Variants in VEGFA observed in about 807,000 individuals in gnomAD.
The protein encoded by VEGFA is vascular endothelial growth factor A, long form.
Under a neutral mutation model 49.7 loss-of-function variants are expected in VEGFA, and 20 were observed. The observed-to-expected ratio is 0.40, with a 90% CI of 0.28 to 0.58. The LOEUF (loss-of-function observed/expected upper bound fraction) is 0.58, where lower values mean the gene tolerates loss of function less well. VEGFA is among the 20% of genes least tolerant of loss of function. The pLI is 0.40. For missense variants in VEGFA, 505 were observed against 553.5 expected, an observed-to-expected ratio of 0.91 and a Z score of 0.88; for synonymous variants, 219 against 223.4, an observed-to-expected ratio of 0.98 and a Z score of 0.18.
chr6:43,775,560 T>A (rs1765127418), intron 2 of VEGFA: 1 of 152,126 alleles, frequency 6.6e-6, no homozygotes, highest in African/African-American at 2.4e-5. Context: ...CTTTTTACCC[T>A]CAGTTACCAA....
Position 43,778,882 on chromosome 6 carries a change from A to G in VEGFA, c.933-7A>G, listed in dbSNP as rs369791321. 4 of 1,614,074 alleles carry G rather than the reference A, an allele frequency of 2.5e-6. No individual in the cohort carries two copies. The highest frequency in any genetic ancestry group is 1.3e-5 in the African/African-American group (1 of 74,990). ...TTTGCTCTTTTCTCTCTCCCTACCC[A>G]TTGCAGACCAAAGAAAGATAGAGCA... On this transcript the variant is annotated splice_polypyrimidine_tract_variant and splice_region_variant and intron_variant, in intron 4 of 7. Transcript: ENST00000672860.
At position 43,774,682 on chromosome 6, in the gene VEGFA, G is replaced by T. The variant is rs865577; in HGVS notation, c.658+290G>T. On this transcript the variant is annotated intron_variant, in intron 2 of 7. Transcript: ENST00000672860. Reference sequence around the variant, plus strand: ...GCACAGAGCAGGAAGACAGTGTTCAGGGATCCTAGGTGTTGGGGGAAGTGT... The same window carrying T: ...GCACAGAGCAGGAAGACAGTGTTCATGGATCCTAGGTGTTGGGGGAAGTGT... The T allele has an allele frequency of 6.8e-3, 3,613 of 528,846 alleles. 78 individuals are homozygous for T. The highest frequency in any genetic ancestry group is 0.061 in the African/African-American group (3,174 of 52,338). The allele number at this position is 528,846 out of a possible 1,614,324, so 32.8% of individuals were successfully genotyped here. A position where few individuals can be genotyped will look rare whatever the true frequency, so the allele number is the denominator to read the frequency against.
intron 7 of VEGFA, chr6:43,783,213 GGTCAGGGTAAGCGTCA>G (rs1307015409): frequency 6.6e-6 from 1 of 152,246 alleles, no homozygotes; most frequent in African/African-American, 2.4e-5. Flanking sequence ...AGGCCCTGGG[GGTCAGGGTAAGCGTCA>G]GTCAGGGAGG....
Position 43,778,040 on chromosome 6 carries a change from G to C in VEGFA, c.855+375G>C, listed in dbSNP as rs1158157976. ...CATGGAGAGTTTAAAAAGTCTTTTGGTGTTACCTGGTAATGGGGCACATCT... is the reference window on the plus strand; with the variant it reads ...CATGGAGAGTTTAAAAAGTCTTTTGCTGTTACCTGGTAATGGGGCACATCT... On this transcript the variant is annotated intron_variant, in intron 3 of 7. Coordinates refer to ENST00000672860, the MANE Select transcript of VEGFA (RefSeq NM_003376.6). The C allele has an allele frequency of 9.1e-6, 4 of 437,980 alleles. No homozygotes were observed. In the East Asian group the frequency reaches 1.8e-4, roughly 19 times the overall value. The allele number at this position is 437,980 out of a possible 1,614,324, so 27.1% of individuals were successfully genotyped here. A position where few individuals can be genotyped will look rare whatever the true frequency, so the allele number is the denominator to read the frequency against.
chr6:43,778,672 G>A, intron 4 of VEGFA, 136 bp downstream of exon 4: 4 of 1,076,036 alleles, frequency 3.7e-6, no homozygotes, highest in Non-Finnish European at 4.2e-6. Flanking sequence ...ACTTCAATGT[G>A]CCTCAGTTTC....
Position 43,770,915 on chromosome 6 carries a change from G to C in VEGFA, c.209G>C (p.Arg70Pro), listed in dbSNP as rs1763326430. Residue 70 changes from arginine to proline, a missense_variant, in exon 1 of 8, where the codon CGC (arginine) becomes CCC (proline). This residue lies in a region of VEGFA where 340 missense variants were observed against 321.8 expected (regional missense o/e 1.06). Transcript: ENST00000672860. ...TCTCGCTTCGGAGGAGCCGTGGTCC[G>C]CGCGGGGGAAGCCGAGCCGAGCGGA... is the stretch of plus-strand genomic sequence containing the variant. The C allele has an allele frequency of 6.5e-7, 1 of 1,544,588 alleles. No individual in the cohort carries two copies. The highest frequency in any genetic ancestry group is 1.4e-5 in the African/African-American group (1 of 72,318).
chr6:43,785,501 G>A lies in VEGFA; in HGVS notation c.*939G>A, dbSNP rs940800585. 1 of 218,838 alleles carries A rather than the reference G, an allele frequency of 4.6e-6. No homozygotes were observed. Among genetic ancestry groups the A allele is most frequent in the African/African-American group, 2.3e-5 (1 of 44,384 alleles). 13.6% of individuals were successfully genotyped at this position (218,838 alleles called of 1,614,324 possible). On this transcript the variant is annotated 3_prime_UTR_variant, in exon 8 of 8. Coordinates refer to ENST00000672860, the MANE Select transcript of VEGFA (RefSeq NM_003376.6). ...CCACTGGCAGATGTCCCGGCGAAGA[G>A]AAGAGACACATTGTTGGAAGAAGCA...
intron 5 of VEGFA, chr6:43,780,451 A>C (rs1767117730): frequency 4.1e-6 from 2 of 482,230 alleles, no homozygotes; most frequent in Non-Finnish European, 7.6e-6. Context: ...CCCTCCACCC[A>C]GTCTCGGCTT....
chr6:43,781,446 G>C, intron 6 of VEGFA: 1 of 249,648 alleles, frequency 4.0e-6, no homozygotes, highest in Admixed American at 5.2e-5. Context: ...GCTGTGGTGG[G>C]CCCTGCCCTG....
intron 5 of VEGFA, chr6:43,780,518 A>G: frequency 3.2e-6 from 2 of 632,976 alleles, no homozygotes; most frequent in Non-Finnish European, 2.8e-6. Context: ...CAGCGTGAGG[A>G]GAAGAAAGAG....
intron 1 of VEGFA, chr6:43,774,063 A>G: frequency 3.6e-6 from 2 of 549,712 alleles, no homozygotes; most frequent in South Asian, 2.0e-5. Flanking sequence ...TCGACAGTGA[A>G]GCATTCTGGG....
chr6:43,779,499 G>A (rs1009816835), intron 5 of VEGFA: 2 of 376,202 alleles, frequency 5.3e-6, no homozygotes, highest in South Asian at 2.3e-5. Flanking sequence ...AGGATGGGGT[G>A]GGGGACAAGG....
chr6:43,775,083 G>A (rs1764932341), intron 2 of VEGFA: 1 of 154,326 alleles, frequency 6.5e-6, no homozygotes, highest in East Asian at 1.9e-4. Flanking sequence ...CTCCACCTCT[G>A]GGGAGGGAAG....
In VEGFA at chr6:43,782,433, A is replaced by G. The variant is rs1159810942; in HGVS notation, c.1166+346A>G. 4.2e-5 allele frequency: 15 copies of G among 359,142 alleles called. No individual in the cohort carries two copies. The East Asian group carries it at 8.3e-4, about 20-fold the overall frequency. 22.2% of individuals were successfully genotyped at this position (359,142 alleles called of 1,614,324 possible). On this transcript the variant is annotated intron_variant, in intron 7 of 7. Coordinates refer to ENST00000672860, the MANE Select transcript of VEGFA (RefSeq NM_003376.6). ...GGCTGTTGGTCCTGATGTTATTACTACCTCTGGTAGTAATGCTGAGAAGCT... is the reference window on the plus strand; with the variant it reads ...GGCTGTTGGTCCTGATGTTATTACTGCCTCTGGTAGTAATGCTGAGAAGCT...
intron 2 of VEGFA, chr6:43,776,318 A>T (rs1207444597): frequency 1.3e-5 from 2 of 152,030 alleles, no homozygotes; most frequent in South Asian, 4.1e-4. Flanking sequence ...TGGGTAGGGA[A>T]CCTATTTCAG....
intron 2 of VEGFA, chr6:43,775,282 C>T (rs765393129): frequency 6.6e-6 from 1 of 152,256 alleles, no homozygotes; most frequent in African/African-American, 2.4e-5. Context: ...CTTACCCCTT[C>T]CAGCTTCCCA....
rs1769357756 is a variant in VEGFA, at chr6:43,785,805, C to G, written c.*1243C>G. ...TTATATACGGTACTTATTTAATATCCCTTTTTAATTAGAAATTAAAACAGT... is the reference window on the plus strand; with the variant it reads ...TTATATACGGTACTTATTTAATATCGCTTTTTAATTAGAAATTAAAACAGT... On this transcript the variant is annotated 3_prime_UTR_variant, in exon 8 of 8. Coordinates refer to ENST00000672860, the MANE Select transcript of VEGFA (RefSeq NM_003376.6). The G allele has an allele frequency of 5.3e-6, 1 of 188,454 alleles. No individual in the cohort carries two copies. The highest frequency in any genetic ancestry group is 2.3e-5 in the African/African-American group (1 of 42,686). 11.7% of individuals were successfully genotyped at this position (188,454 alleles called of 1,614,324 possible).
intron 6 of VEGFA, 156 bp downstream of exon 6, chr6:43,780,959 C>A: frequency 6.4e-7 from 1 of 1,574,292 alleles, no homozygotes; most frequent in Non-Finnish European, 8.7e-7. Flanking sequence ...TCTCACTCCA[C>A]TAATTGGCAC....
intron 1 of VEGFA, chr6:43,774,060 T>C: frequency 3.7e-6 from 2 of 545,218 alleles, no homozygotes; most frequent in Non-Finnish European, 6.6e-6. Flanking sequence ...ACCTCGACAG[T>C]GAAGCATTCT....
Sources: gnomAD v4.1 joint callset for allele counts on GRCh38, gnomAD v4.1.1 for gene constraint, gnomAD v4.1.1 regional missense constraint, MANE v1.5 for transcripts, NCBI Gene and HGNC (gene_info 2026-07-23, HGNC 2026-07-21) for gene names.